The following PCDHGA12 variants were observed in gnomAD, a reference collection of about 807,000 sequenced individuals.
The protein encoded by PCDHGA12 is protocadherin gamma subfamily A, 12.
In PCDHGA12, 43 loss-of-function variants were observed where a neutral mutation model predicts 61.1. The ratio of observed to expected loss-of-function variants is 0.70; its 90% CI spans 0.55 to 0.91. The LOEUF (loss-of-function observed/expected upper bound fraction) is 0.91. PCDHGA12 is among the 40% of genes least tolerant of loss of function. PCDHGA12 has a pLI of 0.00. For missense variants in PCDHGA12, 1,236 were observed against 1,227.7 expected, an observed-to-expected ratio of 1.01 and a Z score of -0.10; for synonymous variants, 520 against 542.9, an observed-to-expected ratio of 0.96 and a Z score of 0.59.
intron 1 of PCDHGA12, among the ~76,000 whole-genome samples, chr5:141,454,617 G>T (rs2098794218): frequency 6.6e-6 from 1 of 151,322 alleles, no homozygotes; most frequent in Non-Finnish European, 1.5e-5. Context: ...TGTTGGTCAG[G>T]CTGGTCTCGA....
Position 141,490,672 on chromosome 5 carries a change from G to A in PCDHGA12, c.2425-4135G>A. ...GGGCTCCCTTCTTTGCACTGTGGCT[G>A]CCTCAGATCCAGACACTGGGGATAA... is the stretch of plus-strand genomic sequence containing the variant. On this transcript the variant is annotated intron_variant, in intron 1 of 3. Transcript: ENST00000252085. This position sits in a 1 kb window ranked among gnomAD's most constrained non-coding sequence, Gnocchi z 5.4. 1.2e-6 allele frequency: 2 copies of A among 1,614,114 alleles called. No homozygotes were observed. Among genetic ancestry groups the A allele is most frequent in the Non-Finnish European group, 1.7e-6 (2 of 1,179,996 alleles).
intron 1 of PCDHGA12, among the ~76,000 whole-genome samples, chr5:141,450,112 T>G (rs2098669735): frequency 6.6e-6 from 1 of 150,618 alleles, no homozygotes; most frequent in Non-Finnish European, 1.5e-5. Context: ...GTTCAAATGA[T>G]TCTCCTGCCT....
chr5:141,470,872 T>G, intron 1 of PCDHGA12, among the ~76,000 whole-genome samples: 1 of 151,814 alleles, frequency 6.6e-6, no homozygotes, highest in East Asian at 1.9e-4. Context: ...GTTTGTTTGT[T>G]TTTTTGTTTT....
At position 141,490,027 on chromosome 5, in the gene PCDHGA12, C is replaced by T. The variant is rs767829552; in HGVS notation, c.2425-4780C>T. Reference sequence around the variant, plus strand: ...TGCACCCATTGGTACTCTGCTGCTCCGCCTCAATGCCACTGATCCAGACGA... The same window carrying T: ...TGCACCCATTGGTACTCTGCTGCTCTGCCTCAATGCCACTGATCCAGACGA... On this transcript the variant is annotated intron_variant, in intron 1 of 3. Coordinates refer to ENST00000252085, the MANE Select transcript of PCDHGA12 (RefSeq NM_003735.3). This position sits in a 1 kb window ranked among gnomAD's most constrained non-coding sequence, Gnocchi z 5.4. The T allele has an allele frequency of 2.4e-5, 39 of 1,614,096 alleles. No homozygotes were observed. The highest frequency in any genetic ancestry group is 4.0e-5 in the African/African-American group (3 of 74,942).
intron 3 of PCDHGA12, among the ~76,000 whole-genome samples, chr5:141,506,429 A>G (rs1406730781): frequency 7.0e-6 from 1 of 143,144 alleles, no homozygotes; most frequent in Non-Finnish European, 1.5e-5. Flanking sequence ...CCTGGGCAAC[A>G]GTCTCGCTCT....
chr5:141,447,966 A>C (rs2098556806), intron 1 of PCDHGA12, among the ~76,000 whole-genome samples: 1 of 151,922 alleles, frequency 6.6e-6, no homozygotes, highest in Non-Finnish European at 1.5e-5. Context: ...GACACCTATA[A>C]TCCCAGCTAC....
chr5:141,500,937 C>G (rs910002814), intron 2 of PCDHGA12, among the ~76,000 whole-genome samples: 1 of 151,804 alleles, frequency 6.6e-6, no homozygotes, highest in Non-Finnish European at 1.5e-5. Context: ...GGCGCCATCT[C>G]GGCTCACTGC....
In PCDHGA12 at chr5:141,485,792, G is replaced by A. The variant is rs114766079; in HGVS notation, c.2425-9015G>A. The A allele has an allele frequency of 6.2e-7, 1 of 1,614,236 alleles. No homozygotes were observed. Among genetic ancestry groups the A allele is most frequent in the East Asian group, 2.2e-5 (1 of 44,880 alleles). ...GCCTTTGGATCGAGAGAAGCAATCG[G>A]ACTACCGCCTGGTGCTGACTGCTGT... On this transcript the variant is annotated intron_variant, in intron 1 of 3. Coordinates refer to ENST00000252085, the MANE Select transcript of PCDHGA12 (RefSeq NM_003735.3). This position sits in a 1 kb window ranked among gnomAD's most constrained non-coding sequence, Gnocchi z 5.7.
Position 141,431,112 on chromosome 5 carries a change from GAGTAGA to G in PCDHGA12, c.364_369del (p.Glu122_Val123del), listed in dbSNP as rs764068262. On this transcript the variant is annotated inframe_deletion, in exon 1 of 4. Transcript: ENST00000252085. The surrounding 1 kb of genome is among the most constrained non-coding windows in gnomAD (Gnocchi z 4.8). ...ATGGAGGATAAAGTGAAAATATATG[GAGTAGA>G]AGTAGAAGTAAGGGACATTAACGAC... The G allele has an allele frequency of 1.7e-5, 28 of 1,614,128 alleles. No individual in the cohort carries two copies. The highest frequency in any genetic ancestry group is 3.3e-5 in the South Asian group (3 of 91,092).
rs751320023 is a variant in PCDHGA12 at position 141,431,263 on chromosome 5, G to T, written c.504G>T (p.Gln168His). 6 of 1,614,060 alleles carry T rather than the reference G, an allele frequency of 3.7e-6. No homozygotes were observed. In the East Asian group the frequency reaches 1.3e-4, roughly 36 times the overall value. Reference protein sequence around the residue: ...WDPDIGKNSLQSYELSPNTHF... With the variant: ...WDPDIGKNSLHSYELSPNTHF... ...CGGATATCGGGAAGAACTCTCTGCA[G>T]AGCTACGAGCTCAGCCCGAACACTC... Residue 168 changes from glutamine to histidine, a missense_variant, in exon 1 of 4, where the codon CAG becomes CAT. Transcript: ENST00000252085. The surrounding 1 kb of genome is among the most constrained non-coding windows in gnomAD (Gnocchi z 4.8).
chr5:141,449,916 T>C (rs1453191109), intron 1 of PCDHGA12, among the ~76,000 whole-genome samples: 1 of 151,912 alleles, frequency 6.6e-6, no homozygotes, highest in East Asian at 1.9e-4. Context: ...CATATTTAAA[T>C]TCTACCATAC....
chr5:141,481,229 A>G (rs989963485), intron 1 of PCDHGA12, among the ~76,000 whole-genome samples: 5 of 152,212 alleles, frequency 3.3e-5, no homozygotes, highest in African/African-American at 4.8e-5. Context: ...TCCCAGCCTT[A>G]AAGTATTACA....
intron 2 of PCDHGA12, among the ~76,000 whole-genome samples, chr5:141,497,893 C>T (rs1194262199): frequency 6.6e-6 from 1 of 152,132 alleles, no homozygotes; most frequent in Non-Finnish European, 1.5e-5. Flanking sequence ...GGATCTAGTC[C>T]AGTAACTTCA....
chr5:141,489,775 T>C lies in PCDHGA12; in HGVS notation c.2425-5032T>C, dbSNP rs748163008. The C allele has an allele frequency of 6.2e-7, 1 of 1,614,110 alleles. No homozygotes were observed. The highest frequency in any genetic ancestry group is 8.5e-7 in the Non-Finnish European group (1 of 1,179,986). Reference sequence around the variant, plus strand: ...CACTCTAAGCCCCAACAGCCACTTCTCTCTGAATGTGAAGACCCTAAAAGA... The same window carrying C: ...CACTCTAAGCCCCAACAGCCACTTCCCTCTGAATGTGAAGACCCTAAAAGA... On this transcript the variant is annotated intron_variant, in intron 1 of 3. Coordinates refer to ENST00000252085, the MANE Select transcript of PCDHGA12 (RefSeq NM_003735.3). This position sits in a 1 kb window ranked among gnomAD's most constrained non-coding sequence, Gnocchi z 4.5.
rs762574320 is a variant in PCDHGA12, at chr5:141,485,926, G to T, written c.2425-8881G>T. 2.5e-6 allele frequency: 4 copies of T among 1,614,090 alleles called. No individual in the cohort carries two copies. The highest frequency in any genetic ancestry group is 3.4e-6 in the Non-Finnish European group (4 of 1,180,052). On this transcript the variant is annotated intron_variant, in intron 1 of 3. Transcript: ENST00000252085. This position sits in a 1 kb window ranked among gnomAD's most constrained non-coding sequence, Gnocchi z 5.7. Reference sequence around the variant, plus strand: ...AGCAATCCAGCTACAGGATTAGTGTGTTGGAGAGCGCACCAGCGGGCATGG... The same window carrying T: ...AGCAATCCAGCTACAGGATTAGTGTTTTGGAGAGCGCACCAGCGGGCATGG...
At chr5:141,463,725 C>T (rs1259646105) in intron 1 of PCDHGA12, among the ~76,000 whole-genome samples, 2 of 152,026 alleles carry the variant, frequency 1.3e-5, no homozygotes, top group Non-Finnish European at 1.5e-5. Context: ...GGATTACAGG[C>T]ATGAGCCACC....
At chr5:141,463,460 T>TA (rs1554144871) in intron 1 of PCDHGA12, among the ~76,000 whole-genome samples, 2 of 136,122 alleles carry the variant, frequency 1.5e-5, no homozygotes, top group Non-Finnish European at 3.1e-5. Context: ...TTTTTTTTTT[T>TA]TTTTTTGAGA....
At position 141,432,579 on chromosome 5, in the gene PCDHGA12, G is replaced by T; in HGVS notation, c.1820G>T (p.Arg607Leu). Residue 607 changes from arginine (R) to leucine (L), a missense_variant, in exon 1 of 4, where the codon CGT becomes CTT. Coordinates refer to ENST00000252085, the MANE Select transcript of PCDHGA12 (RefSeq NM_003735.3). This position sits in a 1 kb window ranked among gnomAD's most constrained non-coding sequence, Gnocchi z 6.0. ...DSGQNAWLSY[R>L]LLKASEPGLF... ...GGCCAGAACGCCTGGCTGTCCTACC[G>T]TCTGCTCAAGGCCAGCGAGCCGGGA... is the stretch of plus-strand genomic sequence containing the variant. 1 of 1,613,860 alleles carries T rather than the reference G, an allele frequency of 6.2e-7. No homozygotes were observed. Among genetic ancestry groups the T allele is most frequent in the Non-Finnish European group, 8.5e-7 (1 of 1,179,984 alleles).
In PCDHGA12 at chr5:141,487,470, G is replaced by C; in HGVS notation, c.2425-7337G>C. ...GACCCTATCAAGTTTGTTGATGTGG[G>C]AGGCCACTCTCATGGCTGTACACCC... On this transcript the variant is annotated intron_variant, in intron 1 of 3. Coordinates refer to ENST00000252085, the MANE Select transcript of PCDHGA12 (RefSeq NM_003735.3). The surrounding 1 kb of genome is among the most constrained non-coding windows in gnomAD (Gnocchi z 5.0). The C allele has an allele frequency of 1.9e-6, 3 of 1,614,162 alleles. No individual in the cohort carries two copies. Among genetic ancestry groups the C allele is most frequent in the South Asian group, 1.1e-5 (1 of 91,084 alleles).
Sources: gnomAD v4.1 joint callset for allele counts (sites outside exome capture counted in the v4.1 genomes callset) on GRCh38, gnomAD v4.1.1 for gene constraint, Gnocchi (gnomAD v3.1) non-coding constraint, MANE v1.5 for transcripts, NCBI Gene and HGNC (gene_info 2026-07-23, HGNC 2026-07-21) for gene names.